Variants in KAT7 observed in about 807,000 individuals in gnomAD.
The protein encoded by KAT7 is histone acetyltransferase KAT7.
In KAT7, 10 loss-of-function variants were observed where a neutral mutation model predicts 82.1. That is an observed-to-expected ratio of 0.12 (90% CI 0.08 to 0.21). The LOEUF is 0.21. Ranked by LOEUF, KAT7 falls within the 10% of genes least tolerant of loss-of-function variation. KAT7 has a pLI of 1.00. For synonymous variants in KAT7, 250 were observed against 262.5 expected, an observed-to-expected ratio of 0.95 and a Z score of 0.46; for missense variants, 378 against 760.9, an observed-to-expected ratio of 0.50 and a Z score of 5.92.
intron 2 of KAT7, among the ~76,000 whole-genome samples, chr17:49,792,239 C>G (rs1039335011): frequency 3.3e-5 from 5 of 152,032 alleles, no homozygotes; most frequent in Non-Finnish European, 5.9e-5. Flanking sequence ...TCTGTAGACC[C>G]AAAGGAACTG....
intron 2 of KAT7, 39 bp from the exon 3 acceptor site, chr17:49,796,711 C>A (rs764096913): frequency 2.0e-6 from 3 of 1,485,062 alleles, no homozygotes; most frequent in Non-Finnish European, 2.7e-6. Context: ...AAACAGATTT[C>A]CATCTTTTTT....
chr17:49,812,620 TA>T (rs957909308), intron 7 of KAT7, among the ~76,000 whole-genome samples: 11 of 151,560 alleles, frequency 7.3e-5, no homozygotes, highest in African/African-American at 2.2e-4. Flanking sequence ...AACATTCCAA[TA>T]AAAAAAAATT....
At chr17:49,804,504 C>A (rs758246118) in intron 4 of KAT7, among the ~76,000 whole-genome samples, 1 of 151,736 alleles carries the variant, frequency 6.6e-6, no homozygotes, top group East Asian at 1.9e-4. Context: ...CTGTTTCAGG[C>A]GTGGCTCATG....
intron 3 of KAT7, among the ~76,000 whole-genome samples, chr17:49,797,912 C>CT (rs139962950): frequency 0.01 from 1,553 of 152,308 alleles, 25 homozygotes; most frequent in East Asian, 0.082. Context: ...ACTCAAGACT[C>CT]TAAGTCCATT....
Position 49,832,820 on chromosome 17 carries a change from A to T in KAT7, c.*5318A>T, listed in dbSNP as rs1273772354. The T allele has an allele frequency of 6.6e-6, 1 of 152,194 alleles. No individual in the cohort carries two copies. 9.4% of individuals were successfully genotyped at this position (152,194 alleles called of 1,614,324 possible). A position where few individuals can be genotyped will look rare whatever the true frequency, so the allele number is the denominator to read the frequency against. ...AATATGAAAACTACTTTGCTGAATG[A>T]TAGTATGTGATGTGTGCTAGGACTT... On this transcript the variant is annotated 3_prime_UTR_variant, in exon 15 of 15. Coordinates refer to ENST00000259021, the MANE Select transcript of KAT7 (RefSeq NM_007067.5).
Position 49,829,490 on chromosome 17 carries a change from C to G in KAT7, c.*1988C>G, listed in dbSNP as rs892678758. 6.6e-6 allele frequency: 1 copy of G among 152,228 alleles called. No individual in the cohort carries two copies. Among genetic ancestry groups the G allele is most frequent in the Admixed American group, 6.5e-5 (1 of 15,288 alleles). The allele number at this position is 152,228 out of a possible 1,614,324, so 9.4% of individuals were successfully genotyped here. A position where few individuals can be genotyped will look rare whatever the true frequency, so the allele number is the denominator to read the frequency against. The stretch of plus-strand genomic sequence containing the variant: ...GATGGGAACAGACATTCCTTCTCAT[C>G]TCCAAGCTCATTCACCAGTATTGAG... On this transcript the variant is annotated 3_prime_UTR_variant, in exon 15 of 15. Transcript: ENST00000259021.
intron 8 of KAT7, among the ~76,000 whole-genome samples, chr17:49,816,216 T>G (rs1212769050): frequency 6.6e-6 from 1 of 152,166 alleles, no homozygotes; most frequent in African/African-American, 2.4e-5. Flanking sequence ...GCTGGGCAAT[T>G]TGCAATTCTG....
intron 8 of KAT7, among the ~76,000 whole-genome samples, chr17:49,817,197 C>A (rs933885413): frequency 1.3e-5 from 2 of 152,030 alleles, no homozygotes; most frequent in African/African-American, 4.8e-5. Context: ...GAGTTTGTAT[C>A]TGTGATGATT....
chr17:49,798,295 T>A, intron 3 of KAT7, 24 bp from the exon 4 acceptor site: 1 of 1,609,384 alleles, frequency 6.2e-7, no homozygotes, highest in Non-Finnish European at 8.5e-7. Flanking sequence ...CACTCATAAC[T>A]TCTACCAATT....
chr17:49,826,045 G>A lies in KAT7; in HGVS notation c.1526G>A (p.Arg509His), dbSNP rs1387173184. The A allele has an allele frequency of 1.9e-6, 3 of 1,612,210 alleles. No individual in the cohort carries two copies. The highest frequency in any genetic ancestry group is 1.7e-6 in the Non-Finnish European group (2 of 1,178,574). The change falls in exon 13 of 15, where the codon CGT (arginine) becomes CAT (histidine). Residue 509 changes from arginine (R) to histidine (H), a missense_variant. Physicochemically the swap from Arg to His is conservative, Grantham distance 29. This residue lies in a region of KAT7 where 20 missense variants were observed against 142.4 expected (regional missense o/e 0.14). Coordinates refer to ENST00000259021, the MANE Select transcript of KAT7 (RefSeq NM_007067.5). ...KVEEKVGSPE[R>H]PLSDLGLISY... ...GAAGAAAAAGTTGGCTCCCCAGAAC[G>A]TCCACTCTCAGATCTGGGGCTTATA...
chr17:49,815,884 A>G lies in KAT7; in HGVS notation c.934A>G (p.Arg312Gly). 6.2e-7 allele frequency: 1 copy of G among 1,613,664 alleles called. No individual in the cohort carries two copies. Among genetic ancestry groups the G allele is most frequent in the Non-Finnish European group, 8.5e-7 (1 of 1,179,602 alleles). The change falls in exon 8 of 15, where the codon AGA (arginine) becomes GGA (glycine). Residue 312 changes from arginine to glycine, a missense_variant. By Grantham distance (125) the Arg-to-Gly change is moderately radical. Transcript: ENST00000259021. ...TSEYDLDLFR[R>G]AQARASEDLE... ...CGAGTATGACTTGGATCTTTTCCGA[A>G]GAGCACAAGCCCGGGCTTCAGAGGA...
intron 7 of KAT7, among the ~76,000 whole-genome samples, chr17:49,813,823 C>T (rs867713479): frequency 3.3e-5 from 5 of 151,356 alleles, no homozygotes; most frequent in Middle Eastern, 3.5e-3. Flanking sequence ...GTTGTGGGGG[C>T]GTTCCTGGAA....
At position 49,811,865 on chromosome 17, in the gene KAT7, C is replaced by T. The variant is rs530432950; in HGVS notation, c.852+291C>T. 9.9e-5 allele frequency among the ~76,000 whole-genome samples: 15 copies of T among 152,168 alleles called. No homozygotes were observed. The South Asian group carries it at 1.7e-3, about 17-fold the overall frequency. On this transcript the variant is annotated intron_variant, in intron 7 of 14. Coordinates refer to ENST00000259021, the MANE Select transcript of KAT7 (RefSeq NM_007067.5). Reference sequence around the variant, plus strand: ...TTCATCTTAAAGGGTTAAATTTACCCGCTAGAACACATGCCATGGCACTGG... The same window carrying T: ...TTCATCTTAAAGGGTTAAATTTACCTGCTAGAACACATGCCATGGCACTGG...
At chr17:49,822,804 AT>A (rs77813135) in intron 11 of KAT7, among the ~76,000 whole-genome samples, 6,710 of 150,092 alleles carry the variant, frequency 0.045, 408 homozygotes, top group African/African-American at 0.14. Context: ...ATTCAATGTG[AT>A]TTTTTTTTTA....
intron 7 of KAT7, among the ~76,000 whole-genome samples, chr17:49,812,868 A>G (rs1032132456): frequency 6.6e-6 from 1 of 151,612 alleles, no homozygotes; most frequent in African/African-American, 2.4e-5. Flanking sequence ...ACACCCGGCT[A>G]ATTTTTGTAT....
chr17:49,811,611 C>T (rs200124844), intron 7 of KAT7, 37 bp downstream of exon 7: 5 of 1,050,924 alleles, frequency 4.8e-6, no homozygotes, highest in Non-Finnish European at 6.7e-6. Context: ...GCATGAACTC[C>T]TGCTATCACA....
chr17:49,793,564 C>G (rs983691707), intron 2 of KAT7, among the ~76,000 whole-genome samples: 1 of 150,088 alleles, frequency 6.7e-6, no homozygotes, highest in Non-Finnish European at 1.5e-5. Flanking sequence ...AACAGTGTTG[C>G]TTTGGTTAAT....
chr17:49,800,323 T>TC (rs2074009327), intron 4 of KAT7, among the ~76,000 whole-genome samples: 1 of 152,164 alleles, frequency 6.6e-6, no homozygotes, highest in South Asian at 2.1e-4. Flanking sequence ...TTCCTGGTCT[T>TC]ACAGCAGTTT....
intron 4 of KAT7, among the ~76,000 whole-genome samples, chr17:49,799,279 C>G (rs768438254): frequency 4.6e-5 from 7 of 152,182 alleles, no homozygotes; most frequent in Admixed American, 2.6e-4. Context: ...GGGTCTACTT[C>G]TCAAATTCAC....
Sources: gnomAD v4.1 joint callset for allele counts (sites outside exome capture counted in the v4.1 genomes callset) on GRCh38, gnomAD v4.1.1 for gene constraint, gnomAD v4.1.1 regional missense constraint, MANE v1.5 for transcripts, NCBI Gene and HGNC (gene_info 2026-07-23, HGNC 2026-07-21) for gene names.